The following IGBP1C variants were observed in gnomAD, a reference collection of about 807,000 sequenced individuals.
The protein encoded by IGBP1C is IGBP1 family member C.
the IGBP1C span, among the ~76,000 whole-genome samples, chr17:58,684,181 G>A: frequency 1.3e-5 from 2 of 151,902 alleles, no homozygotes; most frequent in Admixed American, 6.6e-5. Context: ...GCTTCCGCCC[G>A]GCATGGTGAC....
the IGBP1C span, among the ~76,000 whole-genome samples, chr17:58,673,484 A>AAAAT: frequency 0.35 from 50,466 of 143,264 alleles, 9,252 homozygotes; most frequent in Middle Eastern, 0.45. Context: ...CTCCATCTCA[A>AAAAT]AAATAAATAA....
At chr17:58,678,156 GA>G in the IGBP1C span, among the ~76,000 whole-genome samples, 29 of 151,266 alleles carry the variant, frequency 1.9e-4, no homozygotes, top group African/African-American at 6.8e-4. Context: ...ACTCAAGGGG[GA>G]AAAAAAAGGG....
the IGBP1C span, among the ~76,000 whole-genome samples, chr17:58,678,537 A>C: frequency 5.9e-5 from 9 of 152,150 alleles, no homozygotes; most frequent in African/African-American, 1.9e-4. Context: ...GACATGGATG[A>C]AGCTGGAAAC....
chr17:58,674,388 G>A, the IGBP1C span, among the ~76,000 whole-genome samples: 1 of 152,048 alleles, frequency 6.6e-6, no homozygotes, highest in Non-Finnish European at 1.5e-5. Context: ...ATGAAAGTCC[G>A]GCCAGGCGCA....
At chr17:58,669,382 G>T in the IGBP1C span, among the ~76,000 whole-genome samples, 1 of 151,480 alleles carries the variant, frequency 6.6e-6, no homozygotes. Flanking sequence ...ACAGGAGGGG[G>T]TGTGGAGAGG....
chr17:58,672,879 G>A, the IGBP1C span, among the ~76,000 whole-genome samples: 1 of 151,028 alleles, frequency 6.6e-6, no homozygotes, highest in Non-Finnish European at 1.5e-5. Flanking sequence ...TTACAGATGC[G>A]TGCCACCATG....
chr17:58,679,513 A>G, the IGBP1C span: 1 of 152,236 alleles, frequency 6.6e-6, no homozygotes, highest in African/African-American at 2.4e-5. Context: ...CGCCTTTTAT[A>G]AACAAGCCAG....
chr17:58,682,303 G>A, the IGBP1C span, among the ~76,000 whole-genome samples: 1 of 151,506 alleles, frequency 6.6e-6, no homozygotes, highest in Non-Finnish European at 1.5e-5. Flanking sequence ...TGTCGTCCAG[G>A]CTAGAGTGCA....
the IGBP1C span, among the ~76,000 whole-genome samples, chr17:58,678,289 T>G: frequency 6.6e-6 from 1 of 152,254 alleles, no homozygotes; most frequent in Middle Eastern, 3.4e-3. Flanking sequence ...GATCTAGAAC[T>G]AGAAATACCA....
At chr17:58,661,562 C>T in the IGBP1C span, 107 of 742,128 alleles carry the variant, frequency 1.4e-4, no homozygotes, top group Admixed American at 9.6e-4. Flanking sequence ...CTCGGGGAGC[C>T]GCGGCGGCGG....
chr17:58,664,443 A>C, the IGBP1C span, among the ~76,000 whole-genome samples: 83 of 152,340 alleles, frequency 5.4e-4, no homozygotes, highest in Admixed American at 5.4e-3. Context: ...GCTAATGATG[A>C]AAAACACCTG....
At chr17:58,682,006 G>A in the IGBP1C span, among the ~76,000 whole-genome samples, 1 of 152,174 alleles carries the variant, frequency 6.6e-6, no homozygotes, top group Admixed American at 6.5e-5. Context: ...GCCTTCTTCA[G>A]GCTAGAGTGC....
At chr17:58,683,285 A>T in the IGBP1C span, among the ~76,000 whole-genome samples, 1 of 151,562 alleles carries the variant, frequency 6.6e-6, no homozygotes, top group Non-Finnish European at 1.5e-5. Context: ...AGGCAGGAGA[A>T]TTGCTCGAAC....
chr17:58,685,189 G>A, the IGBP1C span, among the ~76,000 whole-genome samples: 3 of 150,910 alleles, frequency 2.0e-5, no homozygotes, highest in Non-Finnish European at 3.0e-5. Flanking sequence ...TTTGAAGCAC[G>A]TTGGGAGGCC....
the IGBP1C span, chr17:58,661,621 T>C: frequency 1.4e-6 from 1 of 694,478 alleles, no homozygotes; most frequent in Non-Finnish European, 2.6e-6. Context: ...TGATGCGAAA[T>C]GTTGATTCCT....
At chr17:58,667,146 T>C in the IGBP1C span, among the ~76,000 whole-genome samples, 3 of 152,204 alleles carry the variant, frequency 2.0e-5, no homozygotes, top group Non-Finnish European at 4.4e-5. Flanking sequence ...GAACTTTTAG[T>C]CACGGGATAC....
the IGBP1C span, among the ~76,000 whole-genome samples, chr17:58,687,544 C>T: frequency 2.6e-5 from 4 of 152,004 alleles, no homozygotes; most frequent in Non-Finnish European, 5.9e-5. Context: ...CCATGTTGGC[C>T]AGGCTGGTCT....
At chr17:58,676,992 G>T in the IGBP1C span, among the ~76,000 whole-genome samples, 1 of 151,626 alleles carries the variant, frequency 6.6e-6, no homozygotes, top group African/African-American at 2.4e-5. Flanking sequence ...TGTGGCGGGT[G>T]CCTGTAATCC....
At chr17:58,679,741 A>G in the IGBP1C span, 3 of 152,270 alleles carry the variant, frequency 2.0e-5, no homozygotes, top group South Asian at 6.2e-4. Context: ...ACCACTCTAA[A>G]TATAGGATCA....
Sources: allele counts gnomAD v4.1 joint callset (sites outside exome capture counted in the v4.1 genomes callset), GRCh38; gene constraint gnomAD v4.1.1; transcripts MANE v1.5; gene names NCBI Gene and HGNC (gene_info 2026-07-23, HGNC 2026-07-21).